NRXN3: variants seen among roughly 807,000 people sequenced by gnomAD.
The protein encoded by NRXN3 is neurexin III.
In NRXN3, 32 loss-of-function variants were observed where a neutral mutation model predicts 137.6. The ratio of observed to expected loss-of-function variants is 0.23; its 90% confidence interval spans 0.18 to 0.31. NRXN3 has a LOEUF of 0.31. NRXN3 is among the 10% of genes least tolerant of loss of function. The pLI, the probability that NRXN3 is intolerant of heterozygous loss-of-function variation, is 1.00. For missense variants in NRXN3, 1,574 were observed against 2,062.5 expected (o/e 0.76, Z 4.59); for synonymous variants, 798 against 784.5 (o/e 1.02, Z -0.29).
At chr14:79,007,918 A>G (rs10148992) in intron 15 of NRXN3, among the ~76,000 whole-genome samples, 16,996 of 151,732 alleles carry the variant, frequency 0.11, 2,894 homozygotes, top group African/African-American at 0.36. Context: ...TACAAGGTTG[A>G]CTACTACTTA....
chr14:79,804,389 TG>T (rs2099195113), intron 19 of NRXN3, among the ~76,000 whole-genome samples: 1 of 152,136 alleles, frequency 6.6e-6, no homozygotes, highest in Non-Finnish European at 1.5e-5. Context: ...TCCCTGGGAC[TG>T]GGGAGTTTCT....
chr14:78,835,130 C>T (rs1253872790), intron 10 of NRXN3, among the ~76,000 whole-genome samples: 1 of 152,080 alleles, frequency 6.6e-6, no homozygotes, highest in Non-Finnish European at 1.5e-5. Flanking sequence ...ATCAGTCAGT[C>T]TTGGGCGTCT....
intron 4 of NRXN3, among the ~76,000 whole-genome samples, chr14:78,327,309 T>C (rs1389129390): frequency 2.6e-5 from 4 of 152,136 alleles, no homozygotes; most frequent in Admixed American, 1.3e-4. Context: ...ATAGGAAGGA[T>C]CAGTAGAGCT....
At chr14:79,340,497 C>A (rs1244265926) in intron 15 of NRXN3, among the ~76,000 whole-genome samples, 2 of 152,046 alleles carry the variant, frequency 1.3e-5, no homozygotes, top group Non-Finnish European at 2.9e-5. Context: ...CAGAGTTTTC[C>A]TCTTATTGCC....
intron 15 of NRXN3, among the ~76,000 whole-genome samples, chr14:79,288,547 T>G (rs1296023228): frequency 1.3e-5 from 2 of 152,178 alleles, no homozygotes; most frequent in Non-Finnish European, 2.9e-5. Context: ...ATTTTACGAT[T>G]AAAAACATTG....
At chr14:79,044,825 G>GTTTTTTTTTT (rs5809914) in intron 15 of NRXN3, among the ~76,000 whole-genome samples, 1 of 139,624 alleles carries the variant, frequency 7.2e-6, no homozygotes. Flanking sequence ...AGCACCTCTA[G>GTTTTTTTTTT]TTTTTTTTTT....
At chr14:78,470,688 A>C (rs2095245991) in intron 4 of NRXN3, among the ~76,000 whole-genome samples, 1 of 152,080 alleles carries the variant, frequency 6.6e-6, no homozygotes, top group African/African-American at 2.4e-5. Context: ...AGAAAAGAGA[A>C]GAGAAATGGA....
chr14:78,807,433 C>G (rs990187059), intron 9 of NRXN3, among the ~76,000 whole-genome samples: 3 of 152,078 alleles, frequency 2.0e-5, no homozygotes, highest in Non-Finnish European at 4.4e-5. Flanking sequence ...AGCTCAACAA[C>G]GAGAAAAACT....
chr14:79,108,551 A>G (rs2052890852), intron 15 of NRXN3, among the ~76,000 whole-genome samples: 2 of 152,198 alleles, frequency 1.3e-5, no homozygotes, highest in African/African-American at 2.4e-5. Context: ...AGTTTTAAAC[A>G]TTAAGGAGTA....
Position 78,260,619 on chromosome 14 carries a change from C to T in NRXN3, c.709+16817C>T, listed in dbSNP as rs573685381. Reference sequence around the variant, plus strand: ...ATCATGGGGGCAGGTCTTTCCCATGCTATTGTCATGATAGTGAATAAGTCC... The same window carrying T: ...ATCATGGGGGCAGGTCTTTCCCATGTTATTGTCATGATAGTGAATAAGTCC... On this transcript the variant is annotated intron_variant, in intron 2 of 20. Transcript: ENST00000335750. 2.6e-5 allele frequency among the ~76,000 whole-genome samples: 4 copies of T among 152,294 alleles called. No homozygotes were observed. The East Asian group carries it at 7.7e-4, about 29-fold the overall frequency.
At chr14:79,762,519 A>G (rs996844962) in intron 19 of NRXN3, among the ~76,000 whole-genome samples, 5 of 151,476 alleles carry the variant, frequency 3.3e-5, no homozygotes, top group East Asian at 3.9e-4. Context: ...AAAATTGCCA[A>G]TGAGTTAAAT....
intron 10 of NRXN3, among the ~76,000 whole-genome samples, chr14:78,838,785 G>A (rs1200426966): frequency 6.6e-6 from 1 of 152,032 alleles, no homozygotes. Flanking sequence ...TATTGATTGG[G>A]CACTTCCATC....
chr14:79,123,484 G>A (rs1175287687), intron 15 of NRXN3, among the ~76,000 whole-genome samples: 2 of 152,114 alleles, frequency 1.3e-5, no homozygotes, highest in African/African-American at 2.4e-5. Context: ...GACCTAAAAT[G>A]CATCATTGTG....
chr14:78,411,520 G>T (rs1459238304), intron 4 of NRXN3, among the ~76,000 whole-genome samples: 1 of 152,170 alleles, frequency 6.6e-6, no homozygotes, highest in Non-Finnish European at 1.5e-5. Flanking sequence ...GTTATTGTGA[G>T]AATTTGAGAC....
chr14:78,375,560 A>G (rs143874380), intron 4 of NRXN3, among the ~76,000 whole-genome samples: 400 of 152,354 alleles, frequency 2.6e-3, no homozygotes, highest in African/African-American at 6.8e-3. Context: ...TGAGGATACA[A>G]TGGTGAACAA....
chr14:79,634,635 T>C (rs573017034), intron 16 of NRXN3, among the ~76,000 whole-genome samples: 5 of 152,168 alleles, frequency 3.3e-5, no homozygotes, highest in East Asian at 1.9e-4. Flanking sequence ...TTAAGGGACA[T>C]GTCTGCAGTA....
chr14:79,541,721 C>T (rs1401164588), intron 16 of NRXN3, among the ~76,000 whole-genome samples: 1 of 152,188 alleles, frequency 6.6e-6, no homozygotes, highest in African/African-American at 2.4e-5. Context: ...TGGAAAATGA[C>T]TATTACTCCT....
At chr14:79,084,779 C>T (rs938978472) in intron 15 of NRXN3, among the ~76,000 whole-genome samples, 3 of 152,046 alleles carry the variant, frequency 2.0e-5, no homozygotes, top group African/African-American at 4.8e-5. Flanking sequence ...AGCACATGTT[C>T]GTAGGTGACA....
chr14:79,811,581 C>CTTTTTTTTTTTTT (rs370942970), intron 20 of NRXN3, among the ~76,000 whole-genome samples: 14 of 116,610 alleles, frequency 1.2e-4, no homozygotes, highest in Non-Finnish European at 1.7e-4. Context: ...TTTCTTTTTT[C>CTTTTTTTTTTTTT]TTTTTTTTTT....
Sources: gnomAD v4.1 joint callset for allele counts (sites outside exome capture counted in the v4.1 genomes callset) on GRCh38, gnomAD v4.1.1 for gene constraint, MANE v1.5 for transcripts, NCBI Gene and HGNC (gene_info 2026-07-23, HGNC 2026-07-21) for gene names.